The following SLC8A1 variants were observed in gnomAD, a reference collection of about 807,000 sequenced individuals.
SLC8A1 encodes the protein solute carrier family 8 member A1.
Under a neutral mutation model 68.3 loss-of-function variants are expected in SLC8A1, and 18 were observed. The observed-to-expected ratio is 0.26, with a 90% confidence interval of 0.18 to 0.39. The LOEUF (loss-of-function observed/expected upper bound fraction) is 0.39, where lower values mean the gene tolerates loss of function less well. SLC8A1 is among the 10% of genes least tolerant of loss of function. The probability of loss-of-function intolerance (pLI) is 1.00; values close to 1 mark genes in which losing one functional copy is unlikely to be tolerated. For missense variants in SLC8A1, 985 were observed against 1,156.7 expected (o/e 0.85, Z 2.15); for synonymous variants, 475 against 415.5 (o/e 1.14, Z -1.74).
intron 1 of SLC8A1, among the ~76,000 whole-genome samples, chr2:40,469,941 T>C (rs1028713710): frequency 6.6e-6 from 1 of 152,184 alleles, no homozygotes; most frequent in Non-Finnish European, 1.5e-5. Context: ...TTTATTTCCT[T>C]GGTGATTTCA....
chr2:40,280,650 A>G (rs901911808), intron 2 of SLC8A1, among the ~76,000 whole-genome samples: 5 of 152,214 alleles, frequency 3.3e-5, no homozygotes, highest in Non-Finnish European at 7.3e-5. Flanking sequence ...GGGGTCTTAC[A>G]CTTCAGCAAA....
upstream of SLC8A1, among the ~76,000 whole-genome samples, chr2:40,456,569 C>T (rs75217884): frequency 1.0e-2 from 1,514 of 152,158 alleles, 30 homozygotes; most frequent in African/African-American, 0.035. Flanking sequence ...AGCTGTGTGA[C>T]CTTGGGGAAG....
chr2:40,314,222 T>C (rs1364107112), intron 2 of SLC8A1, among the ~76,000 whole-genome samples: 1 of 152,074 alleles, frequency 6.6e-6, no homozygotes, highest in Non-Finnish European at 1.5e-5. Flanking sequence ...TTGCTGCATA[T>C]ACAATATTTC....
At chr2:40,144,860 T>C (rs1167530340) in intron 6 of SLC8A1, among the ~76,000 whole-genome samples, 1 of 152,182 alleles carries the variant, frequency 6.6e-6, no homozygotes, top group Non-Finnish European at 1.5e-5. Flanking sequence ...TATATTTAGA[T>C]AGTAAAATTA....
At chr2:40,246,945 A>AAT in intron 2 of SLC8A1, among the ~76,000 whole-genome samples, 1 of 152,058 alleles carries the variant, frequency 6.6e-6, no homozygotes, top group African/African-American at 2.4e-5. Flanking sequence ...CTGCTAAAAA[A>AAT]AAAAAGAATA....
At chr2:40,411,612 T>G (rs1000593605) in intron 2 of SLC8A1, among the ~76,000 whole-genome samples, 3 of 152,008 alleles carry the variant, frequency 2.0e-5, no homozygotes, top group African/African-American at 7.2e-5. Context: ...ACAAAAACAA[T>G]GTCAAAACAA....
chr2:40,166,047 G>C (rs1333715709), intron 4 of SLC8A1, among the ~76,000 whole-genome samples: 1 of 152,204 alleles, frequency 6.6e-6, no homozygotes, highest in Non-Finnish European at 1.5e-5. Context: ...TCTGGACAAA[G>C]TGCCTCCAAC....
At chr2:40,282,735 T>G (rs2067705593) in intron 2 of SLC8A1, among the ~76,000 whole-genome samples, 1 of 152,162 alleles carries the variant, frequency 6.6e-6, no homozygotes, top group African/African-American at 2.4e-5. Context: ...TGTCATCATT[T>G]TCTCTGTGTC....
intron 2 of SLC8A1, among the ~76,000 whole-genome samples, chr2:40,359,140 A>G (rs1673726244): frequency 2.0e-5 from 3 of 152,144 alleles, no homozygotes; most frequent in Admixed American, 2.0e-4. Flanking sequence ...GCAGCTATTG[A>G]GCACTTGAAA....
chr2:40,232,332 T>A (rs2059758102), intron 2 of SLC8A1, among the ~76,000 whole-genome samples: 1 of 152,070 alleles, frequency 6.6e-6, no homozygotes, highest in African/African-American at 2.4e-5. Context: ...ACATAGATGT[T>A]CTGATTACAG....
chr2:40,490,399 A>G (rs146678726), intron 1 of SLC8A1, among the ~76,000 whole-genome samples: 2 of 152,282 alleles, frequency 1.3e-5, no homozygotes, highest in African/African-American at 4.8e-5. Context: ...TTCACAGGCT[A>G]TAATTGTTTC....
At chr2:40,505,514 AT>A (rs1706315083) in intron 1 of SLC8A1, among the ~76,000 whole-genome samples, 1 of 151,932 alleles carries the variant, frequency 6.6e-6, no homozygotes, top group African/African-American at 2.4e-5. Context: ...ATAGAAAAAA[AT>A]AAAAAAGTCA....
At chr2:40,273,953 T>C (rs2066379426) in intron 2 of SLC8A1, among the ~76,000 whole-genome samples, 1 of 150,716 alleles carries the variant, frequency 6.6e-6, no homozygotes, top group Non-Finnish European at 1.5e-5. Context: ...ACCAGGGGGC[T>C]CTGTCCCCCA....
At chr2:40,430,295 T>C in exon 2 of SLC8A1, 1 of 1,590,232 alleles carries the variant, frequency 6.3e-7, no homozygotes, top group Non-Finnish European at 8.6e-7. Context: ...CTTCCAACTG[T>C]CACAACCTAC....
chr2:40,130,710 C>G (rs373842128), intron 7 of SLC8A1, among the ~76,000 whole-genome samples: 2 of 152,198 alleles, frequency 1.3e-5, no homozygotes, highest in African/African-American at 4.8e-5. Context: ...AGGGTAAAGT[C>G]ACTCTGTTTT....
chr2:40,422,470 A>C (rs910966041), intron 2 of SLC8A1, among the ~76,000 whole-genome samples: 2 of 152,174 alleles, frequency 1.3e-5, no homozygotes, highest in African/African-American at 4.8e-5. Context: ...TGCTCTACTC[A>C]AAAGAATTAA....
chr2:40,419,894 A>C (rs948548008), intron 2 of SLC8A1, among the ~76,000 whole-genome samples: 1 of 152,210 alleles, frequency 6.6e-6, no homozygotes, highest in Non-Finnish European at 1.5e-5. Flanking sequence ...ACACATTGCT[A>C]TCAGGTTTAC....
chr2:40,431,094 G>A (rs1486173318), intron 1 of SLC8A1, among the ~76,000 whole-genome samples: 2 of 152,130 alleles, frequency 1.3e-5, no homozygotes, highest in Admixed American at 6.6e-5. Flanking sequence ...TACATTAGCA[G>A]CTGGGCATCT....
chr2:40,435,993 G>C (rs1699340166), intron 1 of SLC8A1, among the ~76,000 whole-genome samples: 1 of 138,536 alleles, frequency 7.2e-6, no homozygotes, highest in South Asian at 2.3e-4. Context: ...TCACCATGTT[G>C]AACTCCTGAC....
Sources: allele counts gnomAD v4.1 joint callset (sites outside exome capture counted in the v4.1 genomes callset), GRCh38; gene constraint gnomAD v4.1.1; transcripts MANE v1.5; gene names NCBI Gene and HGNC (gene_info 2026-07-23, HGNC 2026-07-21).